Variants in LGR5 observed in about 807,000 individuals in gnomAD.
LGR5 encodes the protein leucine-rich repeat-containing G protein-coupled receptor 5.
Under a neutral mutation model 76.7 loss-of-function variants are expected in LGR5, and 54 were observed. The ratio of observed to expected loss-of-function variants is 0.70; its 90% CI spans 0.57 to 0.88. The LOEUF (loss-of-function observed/expected upper bound fraction) is 0.88, where lower values mean the gene tolerates loss of function less well. Among genes scored for constraint, LGR5 ranks in the 40% least tolerant of loss-of-function variants. The probability of loss-of-function intolerance (pLI) is 0.00; values close to 1 mark genes in which losing one functional copy is unlikely to be tolerated. For missense variants in LGR5, 1,078 were observed against 1,073.3 expected (o/e 1.00, Z -0.06); for synonymous variants, 406 against 421.9 (o/e 0.96, Z 0.46).
intron 2 of LGR5, among the ~76,000 whole-genome samples, chr12:71,510,121 AT>A (rs1875076609): frequency 1.3e-5 from 2 of 152,200 alleles, no homozygotes; most frequent in African/African-American, 2.4e-5. Context: ...TAATCCACAT[AT>A]TGAGTTGTGT....
rs376703201 is a variant in LGR5 at position 71,522,693 on chromosome 12, G to A, written c.285-1713G>A. On this transcript the variant is annotated intron_variant, in intron 2 of 17. Coordinates refer to ENST00000266674, the MANE Select transcript of LGR5 (RefSeq NM_003667.4). The stretch of plus-strand genomic sequence containing the variant: ...ACACTTCTTTAGGTACCACGAGATA[G>A]GTAGGAGGAATACAATACAGTAGCT... Among the ~76,000 whole-genome samples the A allele has an allele frequency of 5.9e-5, 9 of 151,860 alleles. No individual in the cohort carries two copies. The South Asian group carries it at 1.9e-3, about 31-fold the overall frequency.
chr12:71,583,311 CTT>C (rs1879171658), intron 17 of LGR5: 1 of 228,898 alleles, frequency 4.4e-6, no homozygotes, highest in Non-Finnish European at 8.5e-6. Flanking sequence ...ATTCTGAAAA[CTT>C]ATATAATGAA....
chr12:71,481,417 G>C (rs143550165), intron 1 of LGR5, among the ~76,000 whole-genome samples: 2,019 of 152,306 alleles, frequency 0.013, 50 homozygotes, highest in African/African-American at 0.046. Context: ...CCCTGCAAAA[G>C]ACATGAACTC....
At chr12:71,511,015 T>C (rs1296559140) in intron 2 of LGR5, among the ~76,000 whole-genome samples, 4 of 152,154 alleles carry the variant, frequency 2.6e-5, no homozygotes, top group Non-Finnish European at 5.9e-5. Flanking sequence ...AAGCCATGTA[T>C]GGAATTCAAA....
intron 2 of LGR5, among the ~76,000 whole-genome samples, chr12:71,516,937 CTTGTT>C (rs1356860177): frequency 1.3e-5 from 2 of 149,460 alleles, no homozygotes; most frequent in African/African-American, 4.9e-5. Flanking sequence ...CGAGTTACAT[CTTGTT>C]ACAGAAGTGA....
intron 11 of LGR5, among the ~76,000 whole-genome samples, chr12:71,569,220 A>G (rs1330364226): frequency 6.6e-6 from 1 of 152,266 alleles, no homozygotes; most frequent in Admixed American, 6.5e-5. Flanking sequence ...AAGAAAATCT[A>G]GTCAATGTCA....
chr12:71,450,287 T>G (rs993189724), intron 1 of LGR5, among the ~76,000 whole-genome samples: 5 of 152,226 alleles, frequency 3.3e-5, no homozygotes, highest in Non-Finnish European at 5.9e-5. Flanking sequence ...ATGTTGTGTA[T>G]GTCCATATCT....
At chr12:71,502,601 A>C (rs375257032) in intron 1 of LGR5, among the ~76,000 whole-genome samples, 3 of 152,188 alleles carry the variant, frequency 2.0e-5, no homozygotes, top group Non-Finnish European at 2.9e-5. Context: ...CTTGTTTAAA[A>C]ATAAGGAAGG....
chr12:71,483,623 A>G (rs1873703737), intron 1 of LGR5, among the ~76,000 whole-genome samples: 1 of 152,196 alleles, frequency 6.6e-6, no homozygotes, highest in African/African-American at 2.4e-5. Flanking sequence ...CCTTGGAGTC[A>G]CACAACTGGG....
chr12:71,580,378 A>G lies in LGR5; in HGVS notation c.1507A>G (p.Met503Val), dbSNP rs1236392426. The change falls in exon 16 of 18, where the codon ATG becomes GTG. Residue 503 changes from methionine to valine, a missense_variant. Transcript: ENST00000266674. ...ATGGAATAAAGGTGACAACAGCAGT[A>G]TGGACGACCTTCATAAGAAAGATGC... ...NQWNKGDNSS[M>V]DDLHKKDAGM... is the part of the protein sequence containing the mutation. 3 of 1,614,110 alleles carry G rather than the reference A, an allele frequency of 1.9e-6. No homozygotes were observed. Among genetic ancestry groups the G allele is most frequent in the Non-Finnish European group, 8.5e-7 (1 of 1,179,964 alleles).
intron 3 of LGR5, among the ~76,000 whole-genome samples, chr12:71,529,662 G>T (rs1306172290): frequency 6.6e-6 from 1 of 152,010 alleles, no homozygotes; most frequent in Non-Finnish European, 1.5e-5. Flanking sequence ...TTCTTTAAAA[G>T]TAGAGGCAAA....
chr12:71,524,673 C>T (rs1258394845), intron 3 of LGR5, among the ~76,000 whole-genome samples, 196 bp downstream of exon 3: 3 of 152,130 alleles, frequency 2.0e-5, no homozygotes, highest in African/African-American at 4.8e-5. Flanking sequence ...AAATTCATCT[C>T]TCCTTTTCTA....
intron 1 of LGR5, among the ~76,000 whole-genome samples, chr12:71,452,313 C>T (rs1462057644): frequency 6.6e-6 from 1 of 152,186 alleles, no homozygotes; most frequent in Non-Finnish European, 1.5e-5. Flanking sequence ...ACCCTGTGTC[C>T]ATGCATGTCT....
In LGR5 at chr12:71,535,197, T is replaced by C; in HGVS notation, c.428+11T>C. ...AAGCCTTCAATCCCTGTAAGTATAG[T>C]AGACATTGCAAAATATATTTAAGAT... is the stretch of plus-strand genomic sequence containing the variant. On this transcript the variant is annotated intron_variant, in intron 4 of 17. Transcript: ENST00000266674. The C allele has an allele frequency of 6.5e-7, 1 of 1,547,282 alleles. No individual in the cohort carries two copies. The highest frequency in any genetic ancestry group is 8.9e-7 in the Non-Finnish European group (1 of 1,120,638).
At chr12:71,439,497 A>C (rs1871636669), upstream of LGR5, among the ~76,000 whole-genome samples, 1 of 151,854 alleles carries the variant, frequency 6.6e-6, no homozygotes, top group Admixed American at 6.6e-5. Flanking sequence ...CGACTCTTAG[A>C]TCTGGGTCTC....
rs574316391 is a variant in LGR5, at chr12:71,485,299, A to C, written c.213-19315A>C. 1.1e-4 allele frequency among the ~76,000 whole-genome samples: 16 copies of C among 152,356 alleles called. No homozygotes were observed. In the South Asian group the frequency reaches 2.9e-3, roughly 28 times the overall value. ...AAAATCTGAAACACAATAAAATTTT[A>C]AAGAGTTCATTTGTGTAAGAAGTAA... is the stretch of plus-strand genomic sequence containing the variant. On this transcript the variant is annotated intron_variant, in intron 1 of 17. Transcript: ENST00000266674.
chr12:71,526,544 C>G (rs1172592843), intron 3 of LGR5, among the ~76,000 whole-genome samples: 2 of 152,116 alleles, frequency 1.3e-5, no homozygotes, highest in Non-Finnish European at 2.9e-5. Context: ...GCGTGTGATA[C>G]TCAAATTAGC....
chr12:71,455,001 G>A lies in LGR5; in HGVS notation c.212+14709G>A, dbSNP rs117357582. Among the ~76,000 whole-genome samples the A allele has an allele frequency of 1.1e-3, 173 of 152,102 alleles. 2 individuals carry two copies. The East Asian group carries it at 0.025, about 22-fold the overall frequency. Reference sequence around the variant, plus strand: ...CAAAAAACAAAACCAAAAAAATGCAGGAGACTAGTACACTAGATTAGAAGT... The same window carrying A: ...CAAAAAACAAAACCAAAAAAATGCAAGAGACTAGTACACTAGATTAGAAGT... On this transcript the variant is annotated intron_variant, in intron 1 of 17. Transcript: ENST00000266674.
chr12:71,478,797 T>G (rs996889732), intron 1 of LGR5, among the ~76,000 whole-genome samples: 2 of 152,216 alleles, frequency 1.3e-5, no homozygotes, highest in Admixed American at 1.3e-4. Flanking sequence ...ACATTTCTGT[T>G]TTTACTCCTT....
Sources: allele counts gnomAD v4.1 joint callset (sites outside exome capture counted in the v4.1 genomes callset), GRCh38; gene constraint gnomAD v4.1.1; transcripts MANE v1.5; gene names NCBI Gene and HGNC (gene_info 2026-07-23, HGNC 2026-07-21).